The following GIGYF2 variants were observed in gnomAD, a reference collection of about 807,000 sequenced individuals.
GIGYF2 encodes GRB10 interacting GYF protein 2.
A neutral mutation model predicts 208.1 loss-of-function variants in GIGYF2; 25 were observed. The observed-to-expected ratio is 0.12, with a 90% CI of 0.09 to 0.17. GIGYF2 has a LOEUF of 0.17. Among genes scored for constraint, GIGYF2 ranks in the 10% least tolerant of loss-of-function variants. The pLI is 1.00. For missense variants in GIGYF2, 1,302 were observed against 1,579.4 expected (o/e 0.82, Z 2.98); for synonymous variants, 534 against 543.8 (o/e 0.98, Z 0.25).
intron 5 of GIGYF2, 101 bp from the exon 6 acceptor site, chr2:232,756,122 G>A: frequency 1.4e-6 from 1 of 690,756 alleles, no homozygotes; most frequent in Non-Finnish European, 2.5e-6. Context: ...TATAGATGCA[G>A]TAGGAATGTG....
intron 11 of GIGYF2, 29 bp downstream of exon 11, chr2:232,791,199 T>A: frequency 2.5e-6 from 4 of 1,613,976 alleles, no homozygotes; most frequent in Non-Finnish European, 3.4e-6. Flanking sequence ...CTTTGCCTTT[T>A]TTTTCCTCCA....
At chr2:232,784,413 G>T (rs1442635539) in intron 8 of GIGYF2, among the ~76,000 whole-genome samples, 2 of 70,912 alleles carry the variant, frequency 2.8e-5, no homozygotes, top group Non-Finnish European at 5.9e-5. Flanking sequence ...TTTTTGAGAC[G>T]GAGTCTTGCT....
Position 232,847,520 on chromosome 2 carries a change from GCAGCAGCAGCAGCAGCCGCCA to G in GIGYF2, c.3641_3661del (p.Gln1214_Gln1220del). 2.0e-6 allele frequency: 2 copies of G among 1,004,872 alleles called. No homozygotes were observed. Among genetic ancestry groups the G allele is most frequent in the Non-Finnish European group, 2.7e-6 (2 of 743,752 alleles). The allele number at this position is 1,004,872 out of a possible 1,614,324, so 62.2% of individuals were successfully genotyped here. A position where few individuals can be genotyped will look rare whatever the true frequency, so the allele number is the denominator to read the frequency against. ...AGCGTCAGCAGCAGCAGCTGCCACA[GCAGCAGCAGCAGCAGCCGCCA>G]CAGCAGCCGCCACAGCAGCCACAAC... On this transcript the variant is annotated inframe_deletion, in exon 27 of 29. Transcript: ENST00000373563.
Position 232,819,944 on chromosome 2 carries a change from G to A in GIGYF2, c.2488G>A (p.Glu830Lys), listed in dbSNP as rs1247013839. 1 of 1,600,766 alleles carries A rather than the reference G, an allele frequency of 6.2e-7. No individual in the cohort carries two copies. The highest frequency in any genetic ancestry group is 1.3e-5 in the African/African-American group (1 of 74,640). ...AAGACTGGAAGAGAGGAGAAGAGAAGAGGAAGAAAGGCGGAAGCAGGAAGA... is the reference window on the plus strand; with the variant it reads ...AAGACTGGAAGAGAGGAGAAGAGAAAAGGAAGAAAGGCGGAAGCAGGAAGA... Reference protein sequence around the residue: ...LRRLEERRREEEERRKQEELL... With the variant: ...LRRLEERRREKEERRKQEELL... The change falls in exon 21 of 29, where the codon GAG becomes AAG. Residue 830 changes from glutamate (E) to lysine (K), a missense_variant. By Grantham distance (56) the Glu-to-Lys change is moderately conservative. Around this residue, in one of 8 missense-constraint regions of GIGYF2, gnomAD observed 701 missense variants for 793.0 expected, o/e 0.88. Transcript: ENST00000373563.
intron 1 of GIGYF2, among the ~76,000 whole-genome samples, chr2:232,698,587 C>A (rs1489720025): frequency 6.6e-6 from 1 of 152,186 alleles, no homozygotes; most frequent in South Asian, 2.1e-4. Context: ...AACACAAATA[C>A]TTTCTCTTAT....
chr2:232,803,682 T>TCCCATAGA (rs1417159519), intron 14 of GIGYF2, among the ~76,000 whole-genome samples: 1 of 94,308 alleles, frequency 1.1e-5, no homozygotes, highest in Admixed American at 1.0e-4. Flanking sequence ...TTCTTTTTTT[T>TCCCATAGA]TTTTTTTTTT....
chr2:232,712,507 G>T (rs1429638049), intron 2 of GIGYF2, among the ~76,000 whole-genome samples: 3 of 152,198 alleles, frequency 2.0e-5, no homozygotes, highest in Admixed American at 6.5e-5. Context: ...TATAGTGACT[G>T]CTGGTACAGT....
intron 3 of GIGYF2, among the ~76,000 whole-genome samples, chr2:232,738,625 G>A (rs546627491): frequency 7.4e-4 from 113 of 152,276 alleles, no homozygotes; most frequent in African/African-American, 1.1e-3. Context: ...GTTTACTGCT[G>A]TATCTCCAGT....
intron 5 of GIGYF2, among the ~76,000 whole-genome samples, chr2:232,753,097 GTATTTATTTATTTATTTATT>G (rs58602448): frequency 4.2e-5 from 6 of 143,288 alleles, no homozygotes; most frequent in African/African-American, 1.3e-4. Flanking sequence ...ACACTTGACA[GTATTTATTTATTTATTTATT>G]TATTTATTTA....
chr2:232,707,088 A>G (rs1465157798), intron 2 of GIGYF2, among the ~76,000 whole-genome samples: 1 of 152,004 alleles, frequency 6.6e-6, no homozygotes, highest in East Asian at 1.9e-4. Flanking sequence ...TGGTTTTGCT[A>G]ATTTTATTCT....
intron 2 of GIGYF2, among the ~76,000 whole-genome samples, chr2:232,717,323 T>C (rs774166675): frequency 1.2e-4 from 19 of 152,050 alleles, no homozygotes; most frequent in Non-Finnish European, 2.5e-4. Flanking sequence ...TAAGAAACAA[T>C]AATAATAATT....
chr2:232,711,160 G>A (rs1696377587), intron 2 of GIGYF2, among the ~76,000 whole-genome samples: 1 of 150,630 alleles, frequency 6.6e-6, no homozygotes, highest in Non-Finnish European at 1.5e-5. Flanking sequence ...CAAGTGTGGT[G>A]GTGTAGTCTT....
intron 12 of GIGYF2, among the ~76,000 whole-genome samples, chr2:232,792,983 T>G (rs749609466): frequency 6.6e-6 from 1 of 152,196 alleles, no homozygotes; most frequent in Non-Finnish European, 1.5e-5. Flanking sequence ...GGTTCACTGT[T>G]GGCAGACTCT....
Position 232,806,340 on chromosome 2 carries a change from G to C in GIGYF2, c.1640-151G>C, listed in dbSNP as rs1379534345. 3 of 678,170 alleles carry C rather than the reference G, an allele frequency of 4.4e-6. No homozygotes were observed. The highest frequency in any genetic ancestry group is 7.9e-6 in the Non-Finnish European group (3 of 377,622). 42.0% of individuals were successfully genotyped at this position (678,170 alleles called of 1,614,324 possible). A position where few individuals can be genotyped will look rare whatever the true frequency, so the allele number is the denominator to read the frequency against. ...AAATTATTTTAGTAGTTAGAAATCT[G>C]TTAGCTACCTTTAGAGGTGAATTAA... On this transcript the variant is annotated intron_variant, in intron 14 of 28. Transcript: ENST00000373563. The surrounding 1 kb of genome is among the most constrained non-coding windows in gnomAD (Gnocchi z 4.0).
At chr2:232,788,016 A>T (rs1381242468) in intron 9 of GIGYF2, 1 of 154,438 alleles carries the variant, frequency 6.5e-6, no homozygotes, top group Admixed American at 6.4e-5. Context: ...TCCATGCCTC[A>T]TGATAATCAG....
chr2:232,747,678 G>A lies in GIGYF2; in HGVS notation c.105G>A (p.Lys35=), dbSNP rs756518961. The A allele has an allele frequency of 1.2e-6, 2 of 1,613,664 alleles. No individual in the cohort carries two copies. Among genetic ancestry groups the A allele is most frequent in the African/African-American group, 1.3e-5 (1 of 75,040 alleles). ...CTCCTCTTTCTCCAGCATTGCCGAA[G>A]TATAAATTAGCAGATTATCGTTACG... The part of the protein sequence containing the change: ...TSPPLSPALP[K]YKLADYRYGR... Residue 35 remains lysine (K), a synonymous_variant, in exon 4 of 29, where the codon AAG becomes AAA. Coordinates refer to ENST00000373563, the MANE Select transcript of GIGYF2 (RefSeq NM_001103146.3).
intron 2 of GIGYF2, among the ~76,000 whole-genome samples, chr2:232,727,552 T>A (rs1249735313): frequency 1.3e-5 from 2 of 152,018 alleles, no homozygotes. Flanking sequence ...TTAATATGGG[T>A]CTATTTTAGT....
intron 20 of GIGYF2, among the ~76,000 whole-genome samples, chr2:232,817,405 A>G (rs1430897098): frequency 6.6e-6 from 1 of 152,196 alleles, no homozygotes; most frequent in Admixed American, 6.5e-5. Flanking sequence ...ACATAACATA[A>G]AATTTACCAT....
chr2:232,726,289 A>C (rs1241866843), intron 2 of GIGYF2, among the ~76,000 whole-genome samples: 3 of 151,648 alleles, frequency 2.0e-5, no homozygotes, highest in African/African-American at 7.3e-5. Context: ...GACTCGCTTG[A>C]ACCTGGGAGG....
Sources: allele counts gnomAD v4.1 joint callset (sites outside exome capture counted in the v4.1 genomes callset), GRCh38; gene constraint gnomAD v4.1.1; regional missense constraint gnomAD v4.1.1; non-coding constraint Gnocchi (gnomAD v3.1); transcripts MANE v1.5; gene names NCBI Gene and HGNC (gene_info 2026-07-23, HGNC 2026-07-21).